The following MGAT4C variants were observed in gnomAD, a reference collection of about 807,000 sequenced individuals.
The protein encoded by MGAT4C is MGAT4 family member C.
In MGAT4C, 19 loss-of-function variants were observed where a neutral mutation model predicts 40.1. The ratio of observed to expected loss-of-function variants is 0.47; its 90% CI spans 0.33 to 0.70. MGAT4C has a LOEUF of 0.70. Among genes scored for constraint, MGAT4C ranks in the 30% least tolerant of loss-of-function variants. MGAT4C has a pLI of 0.02. For missense variants in MGAT4C, 491 were observed against 563.2 expected, an observed-to-expected ratio of 0.87 and a Z score of 1.30; for synonymous variants, 181 against 187.1, an observed-to-expected ratio of 0.97 and a Z score of 0.27.
intron 2 of MGAT4C, among the ~76,000 whole-genome samples, chr12:86,588,161 A>G (rs7485594): frequency 0.85 from 128,574 of 151,142 alleles, 55,215 homozygotes; most frequent in South Asian, 0.96. Flanking sequence ...AGCATGAAGC[A>G]TTGTTGAATT....
intron 3 of MGAT4C, chr12:86,435,043 C>T (rs1957113351): frequency 2.0e-5 from 3 of 151,902 alleles, no homozygotes; most frequent in Admixed American, 2.0e-4. Context: ...AAAGAAAAAA[C>T]ATTTTCTGAC....
At chr12:86,571,377 A>G (rs1039135571) in intron 2 of MGAT4C, among the ~76,000 whole-genome samples, 5 of 152,110 alleles carry the variant, frequency 3.3e-5, no homozygotes, top group African/African-American at 1.2e-4. Flanking sequence ...GCAGTATACT[A>G]TATATAGGAA....
intron 1 of MGAT4C, among the ~76,000 whole-genome samples, chr12:86,749,993 A>G (rs1347543394): frequency 1.3e-5 from 2 of 149,310 alleles, no homozygotes; most frequent in African/African-American, 5.1e-5. Flanking sequence ...TGAGCATAGT[A>G]GGAATCAATG....
At chr12:86,493,374 A>G (rs1001315185) in intron 2 of MGAT4C, among the ~76,000 whole-genome samples, 9 of 152,086 alleles carry the variant, frequency 5.9e-5, no homozygotes, top group African/African-American at 2.2e-4. Flanking sequence ...ACTATTCACA[A>G]TAGCAAAGAC....
chr12:86,387,650 G>T (rs1956079065), intron 3 of MGAT4C, among the ~76,000 whole-genome samples: 1 of 151,958 alleles, frequency 6.6e-6, no homozygotes, highest in African/African-American at 2.4e-5. Context: ...TCTAGAATGT[G>T]CAATAAAATG....
intron 1 of MGAT4C, among the ~76,000 whole-genome samples, chr12:86,784,108 CCTAA>C (rs143681789): frequency 0.042 from 6,368 of 152,134 alleles, 191 homozygotes; most frequent in Non-Finnish European, 0.066. Context: ...CCTGATGGTG[CCTAA>C]CTGATTATCC....
chr12:86,499,275 G>A (rs983756423), intron 2 of MGAT4C, among the ~76,000 whole-genome samples: 1 of 151,462 alleles, frequency 6.6e-6, no homozygotes, highest in Non-Finnish European at 1.5e-5. Context: ...ATGTGTGTGT[G>A]TGTATGTATA....
chr12:86,387,446 T>C (rs982262322), intron 3 of MGAT4C, among the ~76,000 whole-genome samples: 10 of 152,126 alleles, frequency 6.6e-5, no homozygotes, highest in Non-Finnish European at 1.5e-5. Context: ...ACAGAATTTT[T>C]ACAAAGCATT....
At chr12:86,301,956 C>G (rs1438949976) in intron 4 of MGAT4C, among the ~76,000 whole-genome samples, 1 of 141,228 alleles carries the variant, frequency 7.1e-6, no homozygotes, top group African/African-American at 3.1e-5. Context: ...TCAACATCAA[C>G]TCCTGTGACT....
chr12:86,318,036 C>T (rs1198033198), intron 4 of MGAT4C, among the ~76,000 whole-genome samples: 1 of 151,506 alleles, frequency 6.6e-6, no homozygotes, highest in East Asian at 1.9e-4. Flanking sequence ...AAAATAAGGC[C>T]TTATATTAAA....
At chr12:86,353,855 A>T (rs1955238488) in intron 3 of MGAT4C, among the ~76,000 whole-genome samples, 1 of 152,130 alleles carries the variant, frequency 6.6e-6, no homozygotes, top group African/African-American at 2.4e-5. Flanking sequence ...ACAGAATTGT[A>T]GATGTGCACG....
At chr12:86,471,037 TGAA>T (rs1957750837) in intron 2 of MGAT4C, among the ~76,000 whole-genome samples, 2 of 151,780 alleles carry the variant, frequency 1.3e-5, no homozygotes, top group Admixed American at 6.6e-5. Flanking sequence ...ATTTCAGAAA[TGAA>T]GACAAAATAA....
intron 3 of MGAT4C, among the ~76,000 whole-genome samples, chr12:86,392,161 T>C (rs78513624): frequency 0.018 from 2,713 of 152,176 alleles, 33 homozygotes; most frequent in Middle Eastern, 0.034. Context: ...TATGGTCTTC[T>C]AGAAGAAGAG....
chr12:86,017,887 G>A (rs1443580780), intron 2 of MGAT4C, among the ~76,000 whole-genome samples: 3 of 152,096 alleles, frequency 2.0e-5, no homozygotes, highest in African/African-American at 7.2e-5. Context: ...TTGTACAAAT[G>A]TTATTACATT....
chr12:86,488,163 T>A (rs1316346620), intron 2 of MGAT4C, among the ~76,000 whole-genome samples: 1 of 151,214 alleles, frequency 6.6e-6, no homozygotes, highest in African/African-American at 2.4e-5. Flanking sequence ...AGTGAGAGGA[T>A]AGTGTGGACC....
chr12:86,329,600 A>G (rs1227316717), intron 4 of MGAT4C, among the ~76,000 whole-genome samples: 1 of 152,166 alleles, frequency 6.6e-6, no homozygotes, highest in Non-Finnish European at 1.5e-5. Context: ...CTAGGTTCAA[A>G]TCAACATCTG....
chr12:86,682,173 A>G (rs2136581493), intron 2 of MGAT4C, among the ~76,000 whole-genome samples: 1 of 152,228 alleles, frequency 6.6e-6, no homozygotes, highest in African/African-American at 2.4e-5. Context: ...CATTATGAGC[A>G]AGTTTTGTAG....
chr12:86,382,792 A>G (rs1395731905), intron 3 of MGAT4C, among the ~76,000 whole-genome samples: 1 of 152,210 alleles, frequency 6.6e-6, no homozygotes, highest in African/African-American at 2.4e-5. Flanking sequence ...CCCAAGCCTT[A>G]GAAGTTTCCA....
At chr12:86,339,566 A>C (rs1037660903) in intron 3 of MGAT4C, among the ~76,000 whole-genome samples, 1 of 152,176 alleles carries the variant, frequency 6.6e-6, no homozygotes, top group Non-Finnish European at 1.5e-5. Context: ...TCTTTGTATT[A>C]AACATATATA....
Sources: gnomAD v4.1 joint callset for allele counts (sites outside exome capture counted in the v4.1 genomes callset) on GRCh38, gnomAD v4.1.1 for gene constraint, MANE v1.5 for transcripts, NCBI Gene and HGNC (gene_info 2026-07-23, HGNC 2026-07-21) for gene names.